NSF: variants seen among roughly 807,000 people sequenced by gnomAD.
NSF encodes the protein vesicle-fusing ATPase.
In NSF, 14 loss-of-function variants were observed where a neutral mutation model predicts 50.3. The observed-to-expected ratio is 0.28, with a 90% confidence interval of 0.18 to 0.44. The LOEUF (loss-of-function observed/expected upper bound fraction) is 0.44, where lower values mean the gene tolerates loss of function less well. Among genes scored for constraint, NSF ranks in the 20% least tolerant of loss-of-function variants. NSF has a pLI of 1.00. For synonymous variants in NSF, 109 were observed against 175.7 expected, an observed-to-expected ratio of 0.62 and a Z score of 3.00; for missense variants, 218 against 504.3, an observed-to-expected ratio of 0.43 and a Z score of 5.44.
At chr17:46,661,407 T>TATA (rs1428577004) in intron 8 of NSF, among the ~76,000 whole-genome samples, 2 of 107,292 alleles carry the variant, frequency 1.9e-5, no homozygotes, top group African/African-American at 7.3e-5. Context: ...TTATTATTAT[T>TATA]ATTTTTGAGA....
chr17:46,697,122 T>C (rs1388520632), intron 12 of NSF, among the ~76,000 whole-genome samples: 2 of 127,756 alleles, frequency 1.6e-5, no homozygotes, highest in Non-Finnish European at 3.5e-5. Context: ...TTCTAGACTT[T>C]AAATCCTTAT....
intron 9 of NSF, among the ~76,000 whole-genome samples, chr17:46,690,721 G>A (rs959803902): frequency 1.3e-5 from 1 of 79,280 alleles, no homozygotes; most frequent in Non-Finnish European, 2.5e-5. Context: ...CTCCATTTTG[G>A]CTGAGTTTGA....
At chr17:46,721,886 A>C in intron 15 of NSF, 1 of 1,588,980 alleles carries the variant, frequency 6.3e-7, no homozygotes, top group Non-Finnish European at 8.6e-7. Flanking sequence ...CTGAGCGATA[A>C]AGACGACATG....
intron 16 of NSF, among the ~76,000 whole-genome samples, 200 bp from the exon 17 acceptor site, chr17:46,728,655 A>AT (rs1331484699): frequency 1.3e-5 from 2 of 150,676 alleles, no homozygotes; most frequent in Non-Finnish European, 3.0e-5. Flanking sequence ...TATTAGAGAT[A>AT]TTTTTTCTTA....
At chr17:46,750,845 A>C (rs529332207) in intron 18 of NSF, among the ~76,000 whole-genome samples, 2 of 140,678 alleles carry the variant, frequency 1.4e-5, no homozygotes, top group Admixed American at 1.4e-4. Flanking sequence ...TAGAAATGTC[A>C]AAAAAAAAAA....
chr17:46,744,856 G>A (rs2059111537), intron 17 of NSF, among the ~76,000 whole-genome samples: 1 of 152,132 alleles, frequency 6.6e-6, no homozygotes, highest in Non-Finnish European at 1.5e-5. Flanking sequence ...CACCTGAGTT[G>A]CTGCTTATGG....
chr17:46,678,390 A>G (rs2058421953), intron 9 of NSF, among the ~76,000 whole-genome samples: 1 of 120,694 alleles, frequency 8.3e-6, no homozygotes, highest in East Asian at 2.7e-4. Context: ...ATGAGTTTAA[A>G]TAGCAGGTTA....
intron 15 of NSF, among the ~76,000 whole-genome samples, chr17:46,720,003 T>A (rs924835142): frequency 2.6e-5 from 4 of 152,244 alleles, no homozygotes; most frequent in African/African-American, 9.6e-5. Flanking sequence ...CTTCTTTGAA[T>A]ATCCTCCTGT....
At chr17:46,743,173 C>T (rs1299598587) in intron 17 of NSF, among the ~76,000 whole-genome samples, 1 of 152,162 alleles carries the variant, frequency 6.6e-6, no homozygotes, top group Non-Finnish European at 1.5e-5. Flanking sequence ...GAGCTCTCAT[C>T]TTCCCTAACC....
chr17:46,631,061 TACACAC>T (rs61399986), intron 4 of NSF, among the ~76,000 whole-genome samples: 4 of 122,842 alleles, frequency 3.3e-5, no homozygotes, highest in African/African-American at 7.8e-5. Context: ...TCTCTCTCTG[TACACAC>T]ACACACACAC....
chr17:46,747,275 A>G (rs993779074), intron 17 of NSF, among the ~76,000 whole-genome samples: 4 of 152,198 alleles, frequency 2.6e-5, no homozygotes, highest in Admixed American at 2.6e-4. Flanking sequence ...TTTGCAATCT[A>G]TAATATTCAC....
At chr17:46,722,174 C>G (rs2058837770) in intron 15 of NSF, 1 of 1,611,080 alleles carries the variant, frequency 6.2e-7, no homozygotes. Context: ...ACATGGCTTT[C>G]TCCTGGGAGA....
rs1385174441 is a variant in NSF at position 46,719,431 on chromosome 17, G to A, written c.1761+5445G>A. Among the ~76,000 whole-genome samples the A allele has an allele frequency of 6.6e-6, 1 of 152,092 alleles. No homozygotes were observed. The highest frequency in any genetic ancestry group is 1.5e-5 in the Non-Finnish European group (1 of 68,014). On this transcript the variant is annotated intron_variant, in intron 15 of 20. Transcript: ENST00000398238. The surrounding 1 kb of genome is among the most constrained non-coding windows in gnomAD (Gnocchi z 4.3). ...TCACAAATGGATGGTGCTAAAATAC[G>A]TGAAAGTAGTTTATTCTCAATTAAT...
intron 18 of NSF, 120 bp downstream of exon 18, chr17:46,750,027 GA>G (rs2059166401): frequency 1.7e-6 from 2 of 1,153,266 alleles, no homozygotes; most frequent in African/African-American, 3.1e-5. Flanking sequence ...GGGACCCGGG[GA>G]TATTACAGGT....
chr17:46,676,335 C>G (rs1235195348), intron 9 of NSF, among the ~76,000 whole-genome samples: 1 of 137,798 alleles, frequency 7.3e-6, no homozygotes, highest in Non-Finnish European at 1.5e-5. Context: ...CAGGTTCAAG[C>G]AATTCTCCTG....
intron 15 of NSF, among the ~76,000 whole-genome samples, chr17:46,722,529 G>A (rs2058842490): frequency 6.6e-6 from 1 of 152,164 alleles, no homozygotes; most frequent in Admixed American, 6.5e-5. Flanking sequence ...TCCCGGCTTA[G>A]TATGTAAATA....
At chr17:46,721,756 G>T (rs942828967) in intron 15 of NSF, 2 of 1,602,792 alleles carry the variant, frequency 1.2e-6, no homozygotes, top group East Asian at 2.2e-5. Context: ...CCACAATTTC[G>T]CTTGGGAAGA....
At chr17:46,722,126 C>T in intron 15 of NSF, 2 of 1,611,928 alleles carry the variant, frequency 1.2e-6, no homozygotes, top group South Asian at 1.1e-5. Flanking sequence ...CGTCCGGCTT[C>T]TCGCCATTGG....
intron 1 of NSF, among the ~76,000 whole-genome samples, chr17:46,605,995 CA>C (rs59118188): frequency 9.8e-5 from 5 of 51,048 alleles, no homozygotes; most frequent in African/African-American, 4.1e-4. Context: ...ACTAAAAATA[CA>C]AAAAAAAAAA....
Sources: allele counts gnomAD v4.1 joint callset (sites outside exome capture counted in the v4.1 genomes callset), GRCh38; gene constraint gnomAD v4.1.1; non-coding constraint Gnocchi (gnomAD v3.1); transcripts MANE v1.5; gene names NCBI Gene and HGNC (gene_info 2026-07-23, HGNC 2026-07-21).